CDH13: variants seen among roughly 807,000 people sequenced by gnomAD.
The protein encoded by CDH13 is cadherin-13.
In CDH13, 24 loss-of-function variants were observed where a neutral mutation model predicts 63.8. The observed-to-expected ratio is 0.38, with a 90% CI of 0.27 to 0.53. CDH13 has a LOEUF of 0.53. Ranked by LOEUF, CDH13 falls within the 20% of genes least tolerant of loss-of-function variation. CDH13 has a pLI of 0.85. For missense variants in CDH13, 1,049 were observed against 903.1 expected (o/e 1.16, Z -2.07); for synonymous variants, 503 against 355.3 (o/e 1.42, Z -4.67).
At chr16:82,973,490 G>A (rs1909062226) in intron 2 of CDH13, among the ~76,000 whole-genome samples, 1 of 152,170 alleles carries the variant, frequency 6.6e-6, no homozygotes, top group Admixed American at 6.5e-5. Context: ...CTACTGTGAG[G>A]CAGGCATTGT....
Position 83,394,996 on chromosome 16 carries a change from A to G in CDH13, c.781+49990A>G, listed in dbSNP as rs145858275. Among the ~76,000 whole-genome samples the G allele has an allele frequency of 4.4e-3, 663 of 152,044 alleles. 3 individuals are homozygous for G. Among genetic ancestry groups the G allele is most frequent in the African/African-American group, 0.015 (631 of 41,444 alleles). ...AATCCCGTCTCTACTAAAAATGCAAAAATTTGCTGGGCATGGTGGTGGGCA... is the reference window on the plus strand; with the variant it reads ...AATCCCGTCTCTACTAAAAATGCAAGAATTTGCTGGGCATGGTGGTGGGCA... On this transcript the variant is annotated intron_variant, in intron 6 of 13. Transcript: ENST00000567109.
intron 1 of CDH13, among the ~76,000 whole-genome samples, chr16:82,698,578 C>T (rs962281771): frequency 6.6e-6 from 1 of 152,086 alleles, no homozygotes; most frequent in East Asian, 1.9e-4. Flanking sequence ...GTAGCTTGGG[C>T]ATGTTTTTAG....
intron 4 of CDH13, among the ~76,000 whole-genome samples, chr16:83,138,912 C>G (rs60573508): frequency 0.01 from 1,560 of 152,178 alleles, 31 homozygotes; most frequent in African/African-American, 0.036. Context: ...CACTGGCAAG[C>G]AAGTGGACAG....
chr16:83,784,054 C>G (rs894638963), intron 13 of CDH13, among the ~76,000 whole-genome samples: 39 of 152,164 alleles, frequency 2.6e-4, no homozygotes, highest in Non-Finnish European at 1.5e-5. Flanking sequence ...TTAATAAATA[C>G]ATGTCTCAGA....
At chr16:83,660,884 G>C (rs1169939972) in intron 8 of CDH13, among the ~76,000 whole-genome samples, 1 of 152,074 alleles carries the variant, frequency 6.6e-6, no homozygotes, top group Non-Finnish European at 1.5e-5. Context: ...GTGAAGGAGA[G>C]CTACTAACGT....
intron 4 of CDH13, among the ~76,000 whole-genome samples, chr16:83,181,293 A>G (rs2038341637): frequency 6.6e-6 from 1 of 152,216 alleles, no homozygotes; most frequent in African/African-American, 2.4e-5. Flanking sequence ...GTTTGTTCAC[A>G]GAATCAAGCG....
chr16:83,007,558 A>G lies in CDH13; in HGVS notation c.158-24452A>G, dbSNP rs560218913. Among the ~76,000 whole-genome samples, 3 of 152,292 alleles carry G rather than the reference A, an allele frequency of 2.0e-5. No homozygotes were observed. In the South Asian group the frequency reaches 6.2e-4, roughly 32 times the overall value. ...AGAAAAATGTCTTAAGGCCGGGCTC[A>G]GTGGCTCATGCCTGTAACCCCAGCA... On this transcript the variant is annotated intron_variant, in intron 2 of 13. Coordinates refer to ENST00000567109, the MANE Select transcript of CDH13 (RefSeq NM_001257.5).
intron 6 of CDH13, among the ~76,000 whole-genome samples, chr16:83,434,990 T>C (rs1438673320): frequency 1.2e-5 from 1 of 84,474 alleles, no homozygotes; most frequent in African/African-American, 4.9e-5. Context: ...AATAAATATA[T>C]ATATATATGT....
intron 4 of CDH13, among the ~76,000 whole-genome samples, chr16:83,160,358 G>T (rs569730996): frequency 7.9e-4 from 120 of 152,098 alleles, no homozygotes; most frequent in African/African-American, 2.9e-3. Flanking sequence ...TAAAAAAACC[G>T]TAAAAAAATA....
intron 7 of CDH13, among the ~76,000 whole-genome samples, chr16:83,581,102 G>T (rs759055789): frequency 6.6e-6 from 1 of 152,182 alleles, no homozygotes; most frequent in African/African-American, 2.4e-5. Context: ...TGGGCAGATT[G>T]TATTTCAGCT....
chr16:83,527,231 C>T (rs975545730), intron 7 of CDH13, among the ~76,000 whole-genome samples: 4 of 152,024 alleles, frequency 2.6e-5, no homozygotes, highest in East Asian at 1.9e-4. Flanking sequence ...AGGCAGATCA[C>T]GAGGTCGGGA....
intron 1 of CDH13, among the ~76,000 whole-genome samples, chr16:82,742,636 G>C (rs1405408124): frequency 1.3e-5 from 2 of 152,084 alleles, no homozygotes; most frequent in Admixed American, 6.5e-5. Context: ...TAATGTAATT[G>C]TACCTGAGTG....
At chr16:82,785,965 C>T (rs953295381) in intron 1 of CDH13, among the ~76,000 whole-genome samples, 6 of 152,318 alleles carry the variant, frequency 3.9e-5, no homozygotes, top group East Asian at 1.9e-4. Context: ...TGTGGTTCCC[C>T]TGTTGGCTAG....
chr16:82,909,776 T>C (rs1412054495), intron 2 of CDH13, among the ~76,000 whole-genome samples: 2 of 152,020 alleles, frequency 1.3e-5, no homozygotes, highest in African/African-American at 4.8e-5. Context: ...TCTCATCTTA[T>C]TCAAGATGAG....
intron 8 of CDH13, among the ~76,000 whole-genome samples, chr16:83,650,574 A>C (rs1380143808): frequency 6.6e-6 from 1 of 152,132 alleles, no homozygotes; most frequent in African/African-American, 2.4e-5. Flanking sequence ...TGGGACACCC[A>C]ACAATGTCTG....
At chr16:82,958,851 G>A (rs1430797936) in intron 2 of CDH13, among the ~76,000 whole-genome samples, 3 of 152,272 alleles carry the variant, frequency 2.0e-5, no homozygotes, top group African/African-American at 2.4e-5. Flanking sequence ...TCACCTGGGT[G>A]AGTACTCAGC....
In CDH13 at chr16:83,557,199, C is replaced by T. The variant is rs1465560940; in HGVS notation, c.961-45255C>T. 2.0e-5 allele frequency among the ~76,000 whole-genome samples: 3 copies of T among 152,064 alleles called. No individual in the cohort carries two copies. In the East Asian group the frequency reaches 5.8e-4, roughly 29 times the overall value. ...TACGCTAGTTATGAGAATCTAATGC[C>T]TGATAGTCTGTCACGTCTCCCATCA... On this transcript the variant is annotated intron_variant, in intron 7 of 13. Transcript: ENST00000567109.
intron 3 of CDH13, among the ~76,000 whole-genome samples, chr16:83,043,502 T>C (rs1017011854): frequency 7.9e-4 from 111 of 140,008 alleles, no homozygotes; most frequent in Non-Finnish European, 1.5e-3. Context: ...TGTGTGTGTG[T>C]GTGTGTGTGT....
chr16:83,004,724 C>T (rs567389403), intron 2 of CDH13, among the ~76,000 whole-genome samples: 1 of 152,124 alleles, frequency 6.6e-6, no homozygotes, highest in African/African-American at 2.4e-5. Flanking sequence ...AACTCCTGAC[C>T]TCAAGTGATC....
Sources: gnomAD v4.1 joint callset for allele counts (sites outside exome capture counted in the v4.1 genomes callset) on GRCh38, gnomAD v4.1.1 for gene constraint, MANE v1.5 for transcripts, NCBI Gene and HGNC (gene_info 2026-07-23, HGNC 2026-07-21) for gene names.